MYO18B: variants seen among roughly 807,000 people sequenced by gnomAD.
The protein encoded by MYO18B is myosin XVIIIB.
A neutral mutation model predicts 273.0 loss-of-function variants in MYO18B; 204 were observed. That is an observed-to-expected ratio of 0.75 (90% CI 0.67 to 0.84). MYO18B has a LOEUF of 0.84. MYO18B is among the 40% of genes least tolerant of loss of function. MYO18B has a pLI of 0.00. For synonymous variants in MYO18B, 1,330 were observed against 1,305.7 expected (o/e 1.02, Z -0.40); for missense variants, 3,212 against 3,287.6 (o/e 0.98, Z 0.56).
chr22:25,772,677 G>C (rs937591205), intron 7 of MYO18B, among the ~76,000 whole-genome samples, 167 bp downstream of exon 7: 1 of 152,224 alleles, frequency 6.6e-6, no homozygotes, highest in Admixed American at 6.5e-5. Context: ...TGGACCATGA[G>C]ATTCCCCCAT....
At position 25,828,956 on chromosome 22, in the gene MYO18B, G is replaced by T. The variant is rs2089600316; in HGVS notation, c.2967G>T (p.Gln989His). 6.2e-7 allele frequency: 1 copy of T among 1,613,824 alleles called. No individual in the cohort carries two copies. Among genetic ancestry groups the T allele is most frequent in the Admixed American group, 1.7e-5 (1 of 60,008 alleles). ...FYQRTFVSTL[Q>H]RYQEEGVPVQ... ...AGCGGACCTTTGTCTCCACGCTACA[G>T]CGATATCAAGAGGTATGCCTGGGCT... is the stretch of plus-strand genomic sequence containing the variant. Residue 989 changes from glutamine to histidine, a missense_variant, in exon 15 of 44, where the codon CAG (glutamine) becomes CAT (histidine). Physicochemically the swap from Gln to His is conservative, Grantham distance 24. Transcript: ENST00000335473.
intron 11 of MYO18B, among the ~76,000 whole-genome samples, chr22:25,793,439 ATG>A (rs1348327049): frequency 6.6e-6 from 1 of 152,226 alleles, no homozygotes; most frequent in African/African-American, 2.4e-5. Flanking sequence ...AGGTCTTGCT[ATG>A]TTGCCCAGGC....
At chr22:25,808,853 G>C (rs1484758695) in intron 12 of MYO18B, among the ~76,000 whole-genome samples, 1 of 152,298 alleles carries the variant, frequency 6.6e-6, no homozygotes, top group East Asian at 1.9e-4. Flanking sequence ...ATTTAAAGCT[G>C]TGTCATTGCT....
rs1473013516 is a variant in MYO18B at position 25,768,146 on chromosome 22, G to A, written c.230G>A (p.Ser77Asn). 5 of 1,605,904 alleles carry A rather than the reference G, an allele frequency of 3.1e-6. No individual in the cohort carries two copies. The highest frequency in any genetic ancestry group is 4.3e-6 in the Non-Finnish European group (5 of 1,175,396). Residue 77 changes from serine (S) to asparagine (N), a missense_variant, in exon 4 of 44, where the codon AGC (serine) becomes AAC (asparagine). Physicochemically the swap from Ser to Asn is conservative, Grantham distance 46 (BLOSUM62 1). Transcript: ENST00000335473. Reference sequence around the variant, plus strand: ...GAAATTTCCATCAGCCAACCCAACAGCAAGTCCAGCAGTGGCACCAGATCT... The same window carrying A: ...GAAATTTCCATCAGCCAACCCAACAACAAGTCCAGCAGTGGCACCAGATCT... ...IPEISISQPN[S>N]KSSSGTRSGS...
At chr22:25,876,630 C>CTATA (rs990824974) in intron 24 of MYO18B, among the ~76,000 whole-genome samples, 30 of 149,568 alleles carry the variant, frequency 2.0e-4, no homozygotes, top group Non-Finnish European at 3.9e-4. Context: ...TCTTTGAGTC[C>CTATA]TTTATTTATT....
At chr22:25,758,576 A>T (rs1042564266) in intron 1 of MYO18B, among the ~76,000 whole-genome samples, 2 of 152,118 alleles carry the variant, frequency 1.3e-5, no homozygotes, top group African/African-American at 4.8e-5. Flanking sequence ...TGTCAAAAAC[A>T]TGCAAAGTGA....
At chr22:25,805,467 C>T (rs1261610853) in intron 12 of MYO18B, among the ~76,000 whole-genome samples, 1 of 152,012 alleles carries the variant, frequency 6.6e-6, no homozygotes, top group East Asian at 1.9e-4. Flanking sequence ...CCCTAGAGCT[C>T]TCTCCAGGGA....
At position 26,018,062 on chromosome 22, in the gene MYO18B, G is replaced by C. The variant is rs147396105; in HGVS notation, c.6471-8383G>C. Among the ~76,000 whole-genome samples, 934 of 146,936 alleles carry C rather than the reference G, an allele frequency of 6.4e-3. 8 individuals are homozygous for C. Among genetic ancestry groups the C allele is most frequent in the African/African-American group, 0.023 (898 of 39,570 alleles). ...CTCTATGCAAAAATCACTGACCTTAGTCCCTGGTAGCCAGTAAGAATGTGT... is the reference window on the plus strand; with the variant it reads ...CTCTATGCAAAAATCACTGACCTTACTCCCTGGTAGCCAGTAAGAATGTGT... On this transcript the variant is annotated intron_variant, in intron 42 of 43. Coordinates refer to ENST00000335473, the MANE Select transcript of MYO18B (RefSeq NM_032608.7).
intron 33 of MYO18B, among the ~76,000 whole-genome samples, chr22:25,914,261 A>C (rs1207800522): frequency 1.3e-5 from 2 of 151,962 alleles, no homozygotes; most frequent in African/African-American, 2.4e-5. Context: ...TAATCTTCTT[A>C]TTTAGGTTCT....
chr22:25,929,101 G>A (rs1243557746), intron 34 of MYO18B, among the ~76,000 whole-genome samples: 3 of 150,252 alleles, frequency 2.0e-5, no homozygotes, highest in Non-Finnish European at 4.4e-5. Flanking sequence ...GGCAGAGGTT[G>A]TGGTGAGCCA....
intron 38 of MYO18B, among the ~76,000 whole-genome samples, chr22:25,952,823 A>G (rs1446512806): frequency 6.6e-6 from 1 of 152,266 alleles, no homozygotes; most frequent in East Asian, 1.9e-4. Context: ...TCAACCACTT[A>G]CATGCCCAAC....
chr22:25,942,071 T>C (rs2092650769), intron 34 of MYO18B, among the ~76,000 whole-genome samples: 1 of 152,254 alleles, frequency 6.6e-6, no homozygotes, highest in Non-Finnish European at 1.5e-5. Context: ...GTAAGCACTT[T>C]GCATGTTTTC....
chr22:25,905,110 T>C (rs1463597854), intron 31 of MYO18B, among the ~76,000 whole-genome samples: 1 of 151,870 alleles, frequency 6.6e-6, no homozygotes, highest in Non-Finnish European at 1.5e-5. Flanking sequence ...GTGTCATGAA[T>C]GTGTAAAGCA....
chr22:26,056,110 TTGC>T, the MYO18B span, among the ~76,000 whole-genome samples: 1 of 152,222 alleles, frequency 6.6e-6, no homozygotes, highest in Non-Finnish European at 1.5e-5. Flanking sequence ...GTATTCCAGG[TTGC>T]TGAAGTTTTA....
chr22:25,939,302 A>G (rs547183136), intron 34 of MYO18B, among the ~76,000 whole-genome samples: 44 of 152,374 alleles, frequency 2.9e-4, no homozygotes, highest in Non-Finnish European at 5.6e-4. Flanking sequence ...AGGTTTGGCT[A>G]GATCTAGGTA....
intron 14 of MYO18B, 100 bp downstream of exon 14, chr22:25,826,599 C>A: frequency 1.9e-6 from 2 of 1,058,564 alleles, no homozygotes; most frequent in Non-Finnish European, 2.8e-6. Context: ...TTTGAGCTGG[C>A]GAGAGGGTTT....
chr22:25,842,320 A>C (rs1229787044), intron 17 of MYO18B, among the ~76,000 whole-genome samples: 1 of 152,192 alleles, frequency 6.6e-6, no homozygotes, highest in Non-Finnish European at 1.5e-5. Flanking sequence ...ATGGGAAAGC[A>C]AAGTAAGATC....
intron 34 of MYO18B, among the ~76,000 whole-genome samples, chr22:25,937,863 G>A (rs2092599665): frequency 6.6e-6 from 1 of 152,150 alleles, no homozygotes; most frequent in African/African-American, 2.4e-5. Flanking sequence ...GGGATTACAG[G>A]TGTGAGCCAC....
chr22:25,877,931 G>T, intron 24 of MYO18B, 28 bp from the exon 25 acceptor site: 1 of 1,549,226 alleles, frequency 6.5e-7, no homozygotes, highest in Non-Finnish European at 8.7e-7. Flanking sequence ...GCCTGGAATG[G>T]TTTCTGTTCA....
Sources: gnomAD v4.1 joint callset for allele counts (sites outside exome capture counted in the v4.1 genomes callset) on GRCh38, gnomAD v4.1.1 for gene constraint, MANE v1.5 for transcripts, NCBI Gene and HGNC (gene_info 2026-07-23, HGNC 2026-07-21) for gene names.